Variants in RNGTT observed in about 807,000 individuals in gnomAD.
The protein encoded by RNGTT is RNA guanylyltransferase and 5'-phosphatase.
A neutral mutation model predicts 79.3 loss-of-function variants in RNGTT; 33 were observed. The ratio of observed to expected loss-of-function variants is 0.42; its 90% CI spans 0.32 to 0.56. The LOEUF (loss-of-function observed/expected upper bound fraction) is 0.56, where lower values mean the gene tolerates loss of function less well. Among genes scored for constraint, RNGTT ranks in the 20% least tolerant of loss-of-function variants. RNGTT has a pLI of 0.17. For synonymous variants in RNGTT, 222 were observed against 235.9 expected (o/e 0.94, Z 0.54); for missense variants, 497 against 739.1 (o/e 0.67, Z 3.80).
chr6:88,849,114 CAATG>C (rs1781583922), intron 10 of RNGTT, among the ~76,000 whole-genome samples: 1 of 151,778 alleles, frequency 6.6e-6, no homozygotes, highest in Non-Finnish European at 1.5e-5. Context: ...AGTTATAGGC[CAATG>C]AATGTTATTC....
At chr6:88,812,980 C>G (rs564081612) in intron 11 of RNGTT, among the ~76,000 whole-genome samples, 25 of 152,052 alleles carry the variant, frequency 1.6e-4, no homozygotes, top group Non-Finnish European at 2.9e-4. Context: ...GTAATACATA[C>G]AAAACTACTA....
rs1443477346 is a variant in RNGTT, at chr6:88,610,265, C to T, written c.*2454G>A. 1 of 152,640 alleles carries T rather than the reference C, an allele frequency of 6.6e-6. No individual in the cohort carries two copies. The highest frequency in any genetic ancestry group is 2.4e-5 in the African/African-American group (1 of 41,450). The allele number at this position is 152,640 out of a possible 1,614,324, so 9.5% of individuals were successfully genotyped here. ...TCACCAGTAAAACAAAGTAGATACA[C>T]TTATGCTAATTTAAATCAGTAGTTT... On this transcript the variant is annotated 3_prime_UTR_variant, in exon 16 of 16. Transcript: ENST00000369485.
At chr6:88,770,322 A>G (rs1297903917) in intron 12 of RNGTT, among the ~76,000 whole-genome samples, 6 of 152,200 alleles carry the variant, frequency 3.9e-5, no homozygotes, top group African/African-American at 1.4e-4. Flanking sequence ...TTTGCAGTCA[A>G]TTCCCTCCGT....
intron 1 of RNGTT, among the ~76,000 whole-genome samples, chr6:88,958,321 G>C (rs539566061): frequency 6.6e-6 from 1 of 152,046 alleles, no homozygotes; most frequent in South Asian, 2.1e-4. Flanking sequence ...GGCAGAGTTC[G>C]TGACCAAGAA....
intron 4 of RNGTT, among the ~76,000 whole-genome samples, chr6:88,922,107 T>C (rs764027548): frequency 1.3e-5 from 2 of 152,020 alleles, no homozygotes; most frequent in Non-Finnish European, 2.9e-5. Context: ...GGTCTGGCTA[T>C]GTTGTCCAGG....
chr6:88,896,558 G>A (rs935124421), intron 6 of RNGTT, among the ~76,000 whole-genome samples: 5 of 152,182 alleles, frequency 3.3e-5, no homozygotes, highest in African/African-American at 4.8e-5. Flanking sequence ...CAAAAGCAGA[G>A]ATGCGATATT....
intron 8 of RNGTT, among the ~76,000 whole-genome samples, chr6:88,866,254 A>G (rs1430924075): frequency 3.3e-5 from 5 of 152,160 alleles, no homozygotes; most frequent in Admixed American, 6.6e-5. Context: ...GGAATTATCA[A>G]GGGTTGAAAG....
At chr6:88,830,839 A>G (rs1042705785) in intron 11 of RNGTT, among the ~76,000 whole-genome samples, 1 of 152,246 alleles carries the variant, frequency 6.6e-6, no homozygotes, top group Non-Finnish European at 1.5e-5. Flanking sequence ...AAAATCTAGA[A>G]GAAATGGATA....
intron 8 of RNGTT, among the ~76,000 whole-genome samples, chr6:88,856,620 G>T (rs1781853656): frequency 1.3e-5 from 2 of 152,124 alleles, no homozygotes; most frequent in African/African-American, 4.8e-5. Flanking sequence ...TTTAGCACTT[G>T]GTATTTAGGG....
chr6:88,743,013 C>G (rs1422728182), intron 13 of RNGTT, among the ~76,000 whole-genome samples: 3 of 152,012 alleles, frequency 2.0e-5, no homozygotes, highest in African/African-American at 7.2e-5. Context: ...CTACAATTTC[C>G]AAATGTGAAG....
chr6:88,861,637 C>A (rs567710762), intron 8 of RNGTT, among the ~76,000 whole-genome samples: 3 of 152,148 alleles, frequency 2.0e-5, no homozygotes, highest in African/African-American at 7.2e-5. Flanking sequence ...CATTCATGAA[C>A]CAACGAAAAC....
intron 13 of RNGTT, among the ~76,000 whole-genome samples, chr6:88,718,738 T>C (rs1045062425): frequency 6.6e-6 from 1 of 152,086 alleles, no homozygotes; most frequent in African/African-American, 2.4e-5. Flanking sequence ...ATGCTTAAAG[T>C]CACATAGAAA....
intron 8 of RNGTT, among the ~76,000 whole-genome samples, chr6:88,873,173 T>C (rs1271006464): frequency 1.3e-5 from 2 of 151,988 alleles, no homozygotes; most frequent in Non-Finnish European, 2.9e-5. Flanking sequence ...AGGTCAGAAA[T>C]TGACAAACCC....
chr6:88,616,524 TA>T lies in RNGTT; in HGVS notation c.1507-2130del, dbSNP rs914177289. The stretch of plus-strand genomic sequence containing the variant: ...TGTTAGTTTTTGTTCCTTTTTTTTT[TA>T]AAAAAAATTGACGCCCATTGTTTAC... On this transcript the variant is annotated intron_variant, in intron 14 of 15. Transcript: ENST00000369485. Among the ~76,000 whole-genome samples the T allele has an allele frequency of 2.3e-4, 35 of 151,638 alleles. 1 individual carries two copies. The highest frequency in any genetic ancestry group is 7.0e-4 in the African/African-American group (29 of 41,270).
intron 8 of RNGTT, among the ~76,000 whole-genome samples, chr6:88,889,388 T>C (rs1404627445): frequency 1.3e-5 from 2 of 152,272 alleles, no homozygotes; most frequent in African/African-American, 4.8e-5. Context: ...GAAAATAGGT[T>C]GTATCTGCTC....
chr6:88,676,456 TG>T (rs1774880146), intron 14 of RNGTT, among the ~76,000 whole-genome samples: 1 of 152,122 alleles, frequency 6.6e-6, no homozygotes, highest in Non-Finnish European at 1.5e-5. Context: ...TAAACCTAAA[TG>T]TATAACTTAA....
chr6:88,617,221 G>C (rs57168953), intron 14 of RNGTT, among the ~76,000 whole-genome samples: 3,497 of 152,362 alleles, frequency 0.023, 119 homozygotes, highest in African/African-American at 0.08. Flanking sequence ...AGTGAGCTGA[G>C]ATCGTGCCAC....
At chr6:88,676,450 C>T (rs1354816051) in intron 14 of RNGTT, among the ~76,000 whole-genome samples, 1 of 151,446 alleles carries the variant, frequency 6.6e-6, no homozygotes, top group African/African-American at 2.4e-5. Context: ...GGACAATAAA[C>T]CTAAATGTAT....
intron 11 of RNGTT, among the ~76,000 whole-genome samples, chr6:88,818,819 CAATA>C (rs1328398362): frequency 2.6e-5 from 4 of 152,128 alleles, no homozygotes; most frequent in Admixed American, 2.0e-4. Context: ...TTAAAATCAG[CAATA>C]AATGACTGCA....
Sources: allele counts gnomAD v4.1 joint callset (sites outside exome capture counted in the v4.1 genomes callset), GRCh38; gene constraint gnomAD v4.1.1; transcripts MANE v1.5; gene names NCBI Gene and HGNC (gene_info 2026-07-23, HGNC 2026-07-21).